XKR4: variants seen among roughly 807,000 people sequenced by gnomAD.
XKR4 encodes XK-related protein 4.
A neutral mutation model predicts 53.9 loss-of-function variants in XKR4; 12 were observed. That is an observed-to-expected ratio of 0.22 (90% CI 0.14 to 0.36). The LOEUF (loss-of-function observed/expected upper bound fraction) is 0.36. Among genes scored for constraint, XKR4 ranks in the 10% least tolerant of loss-of-function variants. The pLI is 1.00. For missense variants in XKR4, 799 were observed against 859.5 expected (o/e 0.93, Z 0.88); for synonymous variants, 354 against 362.4 (o/e 0.98, Z 0.26).
At chr8:55,260,734 G>T (rs1818513648) in intron 1 of XKR4, among the ~76,000 whole-genome samples, 1 of 152,140 alleles carries the variant, frequency 6.6e-6, no homozygotes, top group African/African-American at 2.4e-5. Flanking sequence ...GCATAGGGAA[G>T]CTGGCCACCC....
chr8:55,365,423 G>A (rs984978331), intron 2 of XKR4, among the ~76,000 whole-genome samples: 3 of 152,218 alleles, frequency 2.0e-5, no homozygotes, highest in East Asian at 1.9e-4. Context: ...TAAAGAAGGG[G>A]GCTGGACGCG....
chr8:55,390,769 G>A (rs1232719118), intron 2 of XKR4, among the ~76,000 whole-genome samples: 1 of 152,202 alleles, frequency 6.6e-6, no homozygotes, highest in Non-Finnish European at 1.5e-5. Context: ...TACCTGGGCA[G>A]TGGCCTTGAC....
chr8:55,409,321 T>C (rs1035485359), intron 2 of XKR4, among the ~76,000 whole-genome samples: 1 of 152,202 alleles, frequency 6.6e-6, no homozygotes, highest in African/African-American at 2.4e-5. Flanking sequence ...GAGACCGAGC[T>C]TGTGGGTGGT....
At chr8:55,388,639 C>T (rs757516042) in intron 2 of XKR4, among the ~76,000 whole-genome samples, 12 of 152,148 alleles carry the variant, frequency 7.9e-5, no homozygotes, top group African/African-American at 1.9e-4. Flanking sequence ...TTTATGAGGG[C>T]GTTACCTCCA....
intron 1 of XKR4, among the ~76,000 whole-genome samples, chr8:55,199,013 T>C (rs890869732): frequency 2.0e-5 from 3 of 152,198 alleles, no homozygotes; most frequent in Non-Finnish European, 4.4e-5. Context: ...AGCTCACGTA[T>C]AAGGAAGTGA....
chr8:55,435,980 T>C (rs189064722), intron 2 of XKR4, among the ~76,000 whole-genome samples: 33 of 152,306 alleles, frequency 2.2e-4, no homozygotes, highest in Admixed American at 5.9e-4. Context: ...TTCTGCACAG[T>C]GAGCTGCCCC....
At chr8:55,228,297 G>T (rs1021947500) in intron 1 of XKR4, among the ~76,000 whole-genome samples, 9 of 152,202 alleles carry the variant, frequency 5.9e-5, no homozygotes, top group Admixed American at 4.6e-4. Context: ...TTTGAATATG[G>T]CATATTTCAC....
chr8:55,244,708 G>A (rs942396091), intron 1 of XKR4, among the ~76,000 whole-genome samples: 10 of 151,980 alleles, frequency 6.6e-5, no homozygotes, highest in East Asian at 3.9e-4. Context: ...CCTTTTCTCC[G>A]CAATCACACC....
At position 55,537,197 on chromosome 8, in the gene XKR4, A is replaced by G. The variant is rs529695582; in HGVS notation, c.*12970A>G. On this transcript the variant is annotated 3_prime_UTR_variant, in exon 3 of 3. Transcript: ENST00000327381. ...GGTTACCACAAACATGGGAATATTT[A>G]GTGATATCTTTGTAGTCATCGTTAA... is the stretch of plus-strand genomic sequence containing the variant. The G allele has an allele frequency of 6.6e-6, 1 of 152,242 alleles. No homozygotes were observed. Among genetic ancestry groups the G allele is most frequent in the Non-Finnish European group, 1.5e-5 (1 of 68,048 alleles). The allele number at this position is 152,242 out of a possible 1,614,324, so 9.4% of individuals were successfully genotyped here. A position where few individuals can be genotyped will look rare whatever the true frequency, so the allele number is the denominator to read the frequency against.
intron 1 of XKR4, among the ~76,000 whole-genome samples, chr8:55,231,074 G>A (rs953599444): frequency 2.0e-5 from 3 of 152,160 alleles, no homozygotes; most frequent in African/African-American, 2.4e-5. Context: ...CGAAACTGAC[G>A]TTAATGAGGT....
At chr8:55,157,704 C>T (rs1816927421) in intron 1 of XKR4, among the ~76,000 whole-genome samples, 1 of 152,122 alleles carries the variant, frequency 6.6e-6, no homozygotes, top group Admixed American at 6.6e-5. Context: ...GCCCCAATGT[C>T]TGTTGTTGCC....
At chr8:55,167,835 A>G (rs1246359803) in intron 1 of XKR4, among the ~76,000 whole-genome samples, 1 of 152,314 alleles carries the variant, frequency 6.6e-6, no homozygotes, top group African/African-American at 2.4e-5. Context: ...TTTAGAGACC[A>G]AAGAGATGGG....
chr8:55,454,441 G>A, intron 2 of XKR4: 1 of 1,198,186 alleles, frequency 8.3e-7, no homozygotes. Context: ...GCTGCTGGTA[G>A]CTCCGGGACA....
intron 1 of XKR4, among the ~76,000 whole-genome samples, chr8:55,263,087 C>A (rs866049360): frequency 6.6e-6 from 1 of 152,200 alleles, no homozygotes; most frequent in Non-Finnish European, 1.5e-5. Context: ...AGTTCAGCCC[C>A]CTCTCTCCAC....
intron 1 of XKR4, among the ~76,000 whole-genome samples, chr8:55,278,214 G>A (rs1393943926): frequency 6.6e-6 from 1 of 151,942 alleles, no homozygotes; most frequent in Non-Finnish European, 1.5e-5. Flanking sequence ...ATGCACACCT[G>A]TAATCCCAGC....
chr8:55,442,191 A>T (rs1169953213), intron 2 of XKR4, among the ~76,000 whole-genome samples: 3 of 152,184 alleles, frequency 2.0e-5, no homozygotes, highest in African/African-American at 7.2e-5. Context: ...ATTACTAATA[A>T]CTTTATGCCT....
chr8:55,191,684 T>TC (rs1817445723), intron 1 of XKR4, among the ~76,000 whole-genome samples: 2 of 123,248 alleles, frequency 1.6e-5, no homozygotes, highest in Non-Finnish European at 3.1e-5. Flanking sequence ...TTAGTACAAT[T>TC]CTTTTTTTTT....
At chr8:55,254,579 G>A (rs983073963) in intron 1 of XKR4, among the ~76,000 whole-genome samples, 3 of 152,186 alleles carry the variant, frequency 2.0e-5, no homozygotes, top group Non-Finnish European at 1.5e-5. Flanking sequence ...TAAAGGAAGC[G>A]TCGATCTCAG....
intron 1 of XKR4, among the ~76,000 whole-genome samples, chr8:55,298,122 A>T (rs927227851): frequency 1.3e-5 from 2 of 152,190 alleles, no homozygotes; most frequent in African/African-American, 4.8e-5. Context: ...TTTTAATTTT[A>T]GCTCTTACGT....
Sources: allele counts gnomAD v4.1 joint callset (sites outside exome capture counted in the v4.1 genomes callset), GRCh38; gene constraint gnomAD v4.1.1; transcripts MANE v1.5; gene names NCBI Gene and HGNC (gene_info 2026-07-23, HGNC 2026-07-21).